The following DPYD variants were observed in gnomAD, a reference collection of about 807,000 sequenced individuals.
DPYD encodes dihydropyrimidine dehydrogenase.
DPYD carries 109 observed loss-of-function variants against 116.2 expected under a neutral mutation model. That is an observed-to-expected ratio of 0.94 (90% CI 0.80 to 1.10). DPYD has a LOEUF of 1.10. Among genes scored for constraint, DPYD ranks in the 50% least tolerant of loss-of-function variants. The pLI, the probability that DPYD is intolerant of heterozygous loss-of-function variation, is 0.00. For synonymous variants in DPYD, 440 were observed against 432.0 expected, an observed-to-expected ratio of 1.02 and a Z score of -0.23; for missense variants, 1,302 against 1,254.5, an observed-to-expected ratio of 1.04 and a Z score of -0.57.
chr1:97,370,265 A>T (rs886407075), intron 16 of DPYD, among the ~76,000 whole-genome samples: 1 of 152,174 alleles, frequency 6.6e-6, no homozygotes, highest in Non-Finnish European at 1.5e-5. Flanking sequence ...TGTGCTTTTC[A>T]GGGACATGGA....
intron 14 of DPYD, among the ~76,000 whole-genome samples, chr1:97,396,234 G>GAAA (rs145827352): frequency 6.8e-6 from 1 of 147,622 alleles, no homozygotes; most frequent in Non-Finnish European, 1.5e-5. Context: ...TTACAGACAG[G>GAAA]AAAAAAAAAA....
intron 6 of DPYD, among the ~76,000 whole-genome samples, chr1:97,695,898 G>C (rs149497973): frequency 0.013 from 2,018 of 152,232 alleles, 21 homozygotes; most frequent in Middle Eastern, 0.024. Context: ...GGGAGGCCAA[G>C]GTGGGTAGAT....
intron 6 of DPYD, among the ~76,000 whole-genome samples, chr1:97,697,182 T>C (rs1248694155): frequency 6.6e-6 from 1 of 152,110 alleles, no homozygotes; most frequent in African/African-American, 2.4e-5. Flanking sequence ...ATTTTATAAA[T>C]TTGTTGCAAC....
At chr1:97,864,643 T>C (rs752026627) in intron 2 of DPYD, among the ~76,000 whole-genome samples, 5 of 151,662 alleles carry the variant, frequency 3.3e-5, no homozygotes, top group Non-Finnish European at 5.9e-5. Context: ...GAATACTGAA[T>C]AGTGAGGATG....
chr1:97,549,447 T>C, intron 12 of DPYD, 113 bp downstream of exon 12: 2 of 1,128,540 alleles, frequency 1.8e-6, no homozygotes, highest in East Asian at 2.5e-5. Context: ...TGACATATTG[T>C]ATATATGCTT....
intron 16 of DPYD, among the ~76,000 whole-genome samples, chr1:97,349,503 C>A (rs1049297383): frequency 6.6e-6 from 1 of 152,102 alleles, no homozygotes; most frequent in Non-Finnish European, 1.5e-5. Context: ...CCCCTGCCCC[C>A]ACCCCACAAC....
intron 6 of DPYD, among the ~76,000 whole-genome samples, chr1:97,693,924 T>C (rs1044987181): frequency 6.6e-6 from 1 of 152,050 alleles, no homozygotes; most frequent in African/African-American, 2.4e-5. Context: ...AGGCATGTTA[T>C]AAAAAGCAGG....
intron 18 of DPYD, among the ~76,000 whole-genome samples, chr1:97,263,525 G>C (rs1027624944): frequency 6.6e-6 from 1 of 152,020 alleles, no homozygotes; most frequent in Non-Finnish European, 1.5e-5. Context: ...TCTGCTACAA[G>C]GATGCTGTGA....
chr1:97,759,371 T>A (rs547490173), intron 3 of DPYD, among the ~76,000 whole-genome samples: 1 of 152,136 alleles, frequency 6.6e-6, no homozygotes, highest in African/African-American at 2.4e-5. Context: ...CTTTTGAGTC[T>A]TTACTGCCCA....
At chr1:97,514,762 T>TA (rs1648079428) in intron 13 of DPYD, among the ~76,000 whole-genome samples, 1 of 151,832 alleles carries the variant, frequency 6.6e-6, no homozygotes, top group Non-Finnish European at 1.5e-5. Flanking sequence ...TGACCACACT[T>TA]ACACATTGCA....
At chr1:97,130,228 T>C (rs6696033) in intron 20 of DPYD, among the ~76,000 whole-genome samples, 9,271 of 152,268 alleles carry the variant, frequency 0.061, 726 homozygotes, top group African/African-American at 0.19. Flanking sequence ...TGGAGAGTCC[T>C]TTGCAAAATT....
At chr1:97,411,005 C>T (rs1459836209) in intron 14 of DPYD, among the ~76,000 whole-genome samples, 1 of 152,030 alleles carries the variant, frequency 6.6e-6, no homozygotes, top group Non-Finnish European at 1.5e-5. Context: ...CTGGGAATGG[C>T]TACAATGTTG....
intron 13 of DPYD, among the ~76,000 whole-genome samples, chr1:97,461,286 T>A (rs1677019027): frequency 6.6e-6 from 1 of 152,194 alleles, no homozygotes; most frequent in African/African-American, 2.4e-5. Context: ...TTTGTGGGAC[T>A]TCCGTATATA....
chr1:97,262,368 G>T (rs1008765855), intron 18 of DPYD, among the ~76,000 whole-genome samples: 2 of 151,992 alleles, frequency 1.3e-5, no homozygotes, highest in African/African-American at 2.4e-5. Context: ...CATGTAAAAT[G>T]CTCCACATAG....
At chr1:97,818,580 A>G (rs1310256308) in intron 3 of DPYD, among the ~76,000 whole-genome samples, 2 of 152,026 alleles carry the variant, frequency 1.3e-5, no homozygotes, top group Non-Finnish European at 2.9e-5. Flanking sequence ...TTTACTAAAC[A>G]CTGGTAACAG....
At chr1:97,458,876 A>T (rs1352295052) in intron 13 of DPYD, among the ~76,000 whole-genome samples, 3 of 152,158 alleles carry the variant, frequency 2.0e-5, no homozygotes, top group Non-Finnish European at 4.4e-5. Context: ...GAAAGAATTT[A>T]CTTTACCTCA....
intron 2 of DPYD, among the ~76,000 whole-genome samples, chr1:97,868,053 A>G (rs1485365287): frequency 1.3e-5 from 2 of 151,760 alleles, no homozygotes; most frequent in Admixed American, 6.6e-5. Context: ...TACTAAATTC[A>G]GTAACATATC....
intron 20 of DPYD, among the ~76,000 whole-genome samples, chr1:97,154,166 A>G (rs558194029): frequency 6.6e-6 from 1 of 152,322 alleles, no homozygotes; most frequent in South Asian, 2.1e-4. Flanking sequence ...GAAGAAAAGA[A>G]GTCATCATAC....
chr1:97,219,681 C>G (rs768086336), intron 19 of DPYD, among the ~76,000 whole-genome samples: 1 of 152,052 alleles, frequency 6.6e-6, no homozygotes, highest in Non-Finnish European at 1.5e-5. Flanking sequence ...TAAAAATGAA[C>G]AAGATGCCAT....
Sources: gnomAD v4.1 joint callset for allele counts (sites outside exome capture counted in the v4.1 genomes callset) on GRCh38, gnomAD v4.1.1 for gene constraint, MANE v1.5 for transcripts, NCBI Gene and HGNC (gene_info 2026-07-23, HGNC 2026-07-21) for gene names.